The following VPS11 variants were observed in gnomAD, a reference collection of about 807,000 sequenced individuals.
VPS11 encodes vacuolar protein sorting-associated protein 11 homolog.
A neutral mutation model predicts 106.8 loss-of-function variants in VPS11; 51 were observed. That is an observed-to-expected ratio of 0.48 (90% confidence interval 0.38 to 0.60). The LOEUF is 0.60. Among genes scored for constraint, VPS11 ranks in the 20% least tolerant of loss-of-function variants. The probability of loss-of-function intolerance (pLI) is 0.00; values close to 1 mark genes in which losing one functional copy is unlikely to be tolerated. For synonymous variants in VPS11, 453 were observed against 458.7 expected (o/e 0.99, Z 0.16); for missense variants, 950 against 1,190.0 (o/e 0.80, Z 2.97).
chr11:119,076,892 C>A lies in VPS11; in HGVS notation c.1239-5C>A. 6.2e-7 allele frequency: 1 copy of A among 1,613,832 alleles called. No homozygotes were observed. The highest frequency in any genetic ancestry group is 8.5e-7 in the Non-Finnish European group (1 of 1,179,818). On this transcript the variant is annotated splice_region_variant and splice_polypyrimidine_tract_variant and intron_variant, in intron 7 of 15. Transcript: ENST00000621676. Reference sequence around the variant, plus strand: ...AGATGCTATCGGGTGCACATGTCTCCCTAGAACCATTGGAAAGTTGGAGCC... The same window carrying A: ...AGATGCTATCGGGTGCACATGTCTCACTAGAACCATTGGAAAGTTGGAGCC...
chr11:119,075,255 G>A (rs7941568), intron 7 of VPS11, among the ~76,000 whole-genome samples: 151,969 of 151,970 alleles, frequency 1, 75,984 homozygotes, highest in Non-Finnish European at 1. Context: ...TATCAGAGCA[G>A]GACTGTCTCA....
At position 119,081,184 on chromosome 11, in the gene VPS11, A is replaced by G. The variant is rs782181607; in HGVS notation, c.2531A>G (p.Gln844Arg). The G allele has an allele frequency of 1.2e-6, 2 of 1,614,008 alleles. No homozygotes were observed. Among genetic ancestry groups the G allele is most frequent in the South Asian group, 2.2e-5 (2 of 91,082 alleles). The change falls in exon 15 of 16, where the codon CAA (glutamine) becomes CGA (arginine). Residue 844 changes from glutamine to arginine, a missense_variant. Gln to Arg is a conservative substitution (Grantham distance 43). This residue lies in a region of VPS11 where 453 missense variants were observed against 514.6 expected (regional missense o/e 0.88). Transcript: ENST00000621676. ...TTCCTGTGTGGCCACTCCTTCCACCAACACTGCTTTGAGAGTTACTCGGAA... is the reference window on the plus strand; with the variant it reads ...TTCCTGTGTGGCCACTCCTTCCACCGACACTGCTTTGAGAGTTACTCGGAA... ...VHFLCGHSFH[Q>R]HCFESYSESD...
intron 5 of VPS11, 90 bp from the exon 6 acceptor site, chr11:119,073,108 G>T: frequency 6.9e-7 from 1 of 1,454,118 alleles, no homozygotes. Flanking sequence ...TGTGCTGGGT[G>T]AAATGTGCAC....
chr11:119,075,982 C>T (rs1285754947), intron 7 of VPS11, among the ~76,000 whole-genome samples: 1 of 151,788 alleles, frequency 6.6e-6, no homozygotes. Context: ...AATCCAAACA[C>T]TTTGGGAGGC....
At chr11:119,071,913 T>A in intron 5 of VPS11, 70 bp downstream of exon 5, 1 of 1,558,126 alleles carries the variant, frequency 6.4e-7, no homozygotes, top group Non-Finnish European at 8.7e-7. Context: ...GATTTTAAAA[T>A]CCTAATGCCT....
chr11:119,077,561 G>T lies in VPS11; in HGVS notation c.1486G>T (p.Ala496Ser). The change falls in exon 9 of 16, where the codon GCT (alanine) becomes TCT (serine). Residue 496 changes from alanine (A) to serine (S), a missense_variant. Physicochemically the swap from Ala to Ser is moderately conservative, Grantham distance 99. Around this residue, in one of 3 missense-constraint regions of VPS11, gnomAD observed 435 missense variants for 630.2 expected, o/e 0.69. Transcript: ENST00000621676. ...GACAGCCATCAAGGTCCTCCGGCAG[G>T]CTGGCTACTACTCCCATGCCCTGTA... is the stretch of plus-strand genomic sequence containing the variant. ...VETAIKVLRQ[A>S]GYYSHALYLA... The T allele has an allele frequency of 6.2e-7, 1 of 1,614,010 alleles. No individual in the cohort carries two copies. The highest frequency in any genetic ancestry group is 1.6e-4 in the Middle Eastern group (1 of 6,062).
chr11:119,077,688 A>G (rs1555203124), intron 9 of VPS11, 41 bp downstream of exon 9: 1 of 1,559,560 alleles, frequency 6.4e-7, no homozygotes, highest in South Asian at 1.2e-5. Flanking sequence ...ACAGGGTCTC[A>G]CTATGTTGCC....
At position 119,073,958 on chromosome 11, in the gene VPS11, C is replaced by T. The variant is rs1449542603; in HGVS notation, c.1238+7C>T. 1.2e-6 allele frequency: 2 copies of T among 1,606,250 alleles called. No homozygotes were observed. The highest frequency in any genetic ancestry group is 2.2e-5 in the East Asian group (1 of 44,670). On this transcript the variant is annotated splice_region_variant and intron_variant, in intron 7 of 15. Coordinates refer to ENST00000621676, the MANE Select transcript of VPS11 (RefSeq NM_021729.6). ...CTGTCCAGCAATATATCCGGTCAGT[C>T]TGGAGGCACTTTGGGATATAGCTGT...
Position 119,069,694 on chromosome 11 carries a change from G to C in VPS11, c.472+117G>C, listed in dbSNP as rs547391470. 9.8e-5 allele frequency: 142 copies of C among 1,443,700 alleles called. 1 individual carries two copies. In the South Asian group the frequency reaches 1.7e-3, roughly 18 times the overall value. The allele number at this position is 1,443,700 out of a possible 1,614,324, so 89.4% of individuals were successfully genotyped here. The stretch of plus-strand genomic sequence containing the variant: ...CACTTTGTACTGAACTGAGGCCTTT[G>C]CGATATTAAATTTTGGAATGGGGGC... On this transcript the variant is annotated intron_variant, in intron 3 of 15. Transcript: ENST00000621676.
intron 1 of VPS11, 131 bp from the exon 2 acceptor site, chr11:119,069,065 C>G: frequency 9.8e-7 from 1 of 1,018,324 alleles, no homozygotes; most frequent in Admixed American, 2.5e-5. Flanking sequence ...TGGCCTCACT[C>G]TTTTTAAGAT....
chr11:119,081,553 C>G lies in VPS11; in HGVS notation c.2756C>G (p.Ala919Gly). Reference protein sequence around the residue: ...KLTLLTDPPTARLTSSLEAGL... With the variant: ...KLTLLTDPPTGRLTSSLEAGL... Reference sequence around the variant, plus strand: ...ACTCTGCTGACCGACCCTCCCACAGCCAGACTGACCTCCAGCCTGGAGGCT... The same window carrying G: ...ACTCTGCTGACCGACCCTCCCACAGGCAGACTGACCTCCAGCCTGGAGGCT... The change falls in exon 16 of 16, where the codon GCC becomes GGC. Residue 919 changes from alanine to glycine, a missense_variant. This residue lies in a region of VPS11 where 453 missense variants were observed against 514.6 expected (regional missense o/e 0.88). Coordinates refer to ENST00000621676, the MANE Select transcript of VPS11 (RefSeq NM_021729.6). The G allele has an allele frequency of 1.2e-6, 2 of 1,614,018 alleles. No individual in the cohort carries two copies. The highest frequency in any genetic ancestry group is 1.1e-5 in the South Asian group (1 of 91,090).
chr11:119,077,929 G>T lies in VPS11; in HGVS notation c.1624G>T (p.Glu542Ter). 2.5e-6 allele frequency: 4 copies of T among 1,614,080 alleles called. No homozygotes were observed. The highest frequency in any genetic ancestry group is 3.4e-6 in the Non-Finnish European group (4 of 1,179,916). Residue 542 changes from glutamate (E) to a stop codon, truncating the protein, a stop_gained, in exon 10 of 16, where the codon GAG (glutamate) becomes TAG (stop). Transcript: ENST00000621676. LOFTEE classifies it high-confidence loss of function. ...YIGKLPFEQAESNMKRYGKIL... is the reference protein window; with the variant it reads ...YIGKLPFEQA ...CGGCAAGCTGCCTTTTGAGCAGGCAGAGAGCAACATGAAGCGCTACGGCAA... is the reference window on the plus strand; with the variant it reads ...CGGCAAGCTGCCTTTTGAGCAGGCATAGAGCAACATGAAGCGCTACGGCAA...
Position 119,081,751 on chromosome 11 carries a change from C to T in VPS11, c.*128C>T. 1 of 1,283,786 alleles carries T rather than the reference C, an allele frequency of 7.8e-7. No homozygotes were observed. Among genetic ancestry groups the T allele is most frequent in the Non-Finnish European group, 1.1e-6 (1 of 949,198 alleles). The allele number at this position is 1,283,786 out of a possible 1,614,324, so 79.5% of individuals were successfully genotyped here. On this transcript the variant is annotated 3_prime_UTR_variant, in exon 16 of 16. Coordinates refer to ENST00000621676, the MANE Select transcript of VPS11 (RefSeq NM_021729.6). The stretch of plus-strand genomic sequence containing the variant: ...TCCACTCTCATCTAATGTCACAGCC[C>T]TCAGAACTAAAGCGGACTTTCTTTC...
chr11:119,078,482 G>T, intron 11 of VPS11, 83 bp from the exon 12 acceptor site: 1 of 1,582,410 alleles, frequency 6.3e-7, no homozygotes, highest in South Asian at 1.1e-5. Flanking sequence ...AATGGACTGA[G>T]GGAAAGAGTT....
chr11:119,069,006 C>CTA (rs1491094351), intron 1 of VPS11, among the ~76,000 whole-genome samples, 190 bp from the exon 2 acceptor site: 2 of 65,742 alleles, frequency 3.0e-5, no homozygotes, highest in African/African-American at 1.4e-4. Context: ...ACCCCCCCCC[C>CTA]CCCCCGGCCT....
In VPS11 at chr11:119,081,869, C is replaced by A; in HGVS notation, c.*246C>A. The A allele has an allele frequency of 1.9e-6, 1 of 535,274 alleles. No individual in the cohort carries two copies. The highest frequency in any genetic ancestry group is 3.3e-6 in the Non-Finnish European group (1 of 304,974). 33.2% of individuals were successfully genotyped at this position (535,274 alleles called of 1,614,324 possible). On this transcript the variant is annotated 3_prime_UTR_variant, in exon 16 of 16. Coordinates refer to ENST00000621676, the MANE Select transcript of VPS11 (RefSeq NM_021729.6). Reference sequence around the variant, plus strand: ...GTGGGGGAGGGCACCTCAGCAACCTCTGAGTGTGGACAATAGCTGCTTTCT... The same window carrying A: ...GTGGGGGAGGGCACCTCAGCAACCTATGAGTGTGGACAATAGCTGCTTTCT...
rs1323170918 is a variant in VPS11 at position 119,073,907 on chromosome 11, C to G, written c.1194C>G (p.Leu398=). 6.2e-7 allele frequency: 1 copy of G among 1,613,700 alleles called. No homozygotes were observed. Among genetic ancestry groups the G allele is most frequent in the African/African-American group, 1.3e-5 (1 of 75,040 alleles). Residue 398 remains leucine (L), a synonymous_variant, in exon 7 of 16, where the codon CTC becomes CTG. Transcript: ENST00000621676. ...AQIFMQYGDH[L]YSKGNHDGAV... Reference sequence around the variant, plus strand: ...TTTTCATGCAGTATGGAGACCATCTCTACAGCAAGGGCAACCACGATGGGG... The same window carrying G: ...TTTTCATGCAGTATGGAGACCATCTGTACAGCAAGGGCAACCACGATGGGG...
At position 119,079,140 on chromosome 11, in the gene VPS11, C is replaced by T. The variant is rs1235773460; in HGVS notation, c.2278C>T (p.Leu760=). The T allele has an allele frequency of 6.2e-7, 1 of 1,613,760 alleles. No homozygotes were observed. ...LMPPLLVVQT[L]AHNSTATLSV... is the part of the protein sequence containing the mutation. ...GACCCCAATCTCAGTGGTGCAGACC[C>T]TGGCCCACAACTCCACAGCCACACT... is the stretch of plus-strand genomic sequence containing the variant. The change falls in exon 14 of 16, where the codon CTG becomes TTG. Residue 760 remains leucine, a synonymous_variant. Transcript: ENST00000621676.
rs2134761162 is a variant in VPS11, at chr11:119,072,900, G to A, written c.885-298G>A. 5 of 352,338 alleles carry A rather than the reference G, an allele frequency of 1.4e-5. No individual in the cohort carries two copies. In the South Asian group the frequency reaches 1.6e-4, roughly 11 times the overall value. 21.8% of individuals were successfully genotyped at this position (352,338 alleles called of 1,614,324 possible). Reference sequence around the variant, plus strand: ...TTGTTTTGCTTTCATTCAGTTCCAGGCACAGTGTTTTACATATACCATGTA... The same window carrying A: ...TTGTTTTGCTTTCATTCAGTTCCAGACACAGTGTTTTACATATACCATGTA... On this transcript the variant is annotated intron_variant, in intron 5 of 15. Transcript: ENST00000621676.
Sources: allele counts gnomAD v4.1 joint callset (sites outside exome capture counted in the v4.1 genomes callset), GRCh38; gene constraint gnomAD v4.1.1; regional missense constraint gnomAD v4.1.1; transcripts MANE v1.5; gene names NCBI Gene and HGNC (gene_info 2026-07-23, HGNC 2026-07-21).